The following MACROD1 variants were observed in gnomAD, a reference collection of about 807,000 sequenced individuals.
MACROD1 encodes the protein mono-ADP ribosylhydrolase 1, also known as ADP-ribose glycohydrolase MACROD1.
A neutral mutation model predicts 41.4 loss-of-function variants in MACROD1; 31 were observed. The observed-to-expected ratio is 0.75, with a 90% CI of 0.56 to 1.01. The LOEUF (loss-of-function observed/expected upper bound fraction) is 1.01, where lower values mean the gene tolerates loss of function less well. Among genes scored for constraint, MACROD1 ranks in the 50% least tolerant of loss-of-function variants. The pLI is 0.00. For missense variants in MACROD1, 473 were observed against 460.0 expected (o/e 1.03, Z -0.26); for synonymous variants, 252 against 203.4 (o/e 1.24, Z -2.03).
intron 3 of MACROD1, 63 bp downstream of exon 3, chr11:64,151,176 C>CAGCAG: frequency 3.5e-6 from 5 of 1,424,594 alleles, no homozygotes; most frequent in Non-Finnish European, 4.9e-6. Context: ...AGGCCTGGCA[C>CAGCAG]AGCAGAGCAG....
rs1379427896 is a variant in MACROD1 at position 64,096,323 on chromosome 11, T to G, written c.517+54916A>C. On this transcript the variant is annotated intron_variant, in intron 3 of 10. Transcript: ENST00000255681. This position sits in a 1 kb window ranked among gnomAD's most constrained non-coding sequence, Gnocchi z 4.6. Reference sequence around the variant, plus strand: ...GCCAGGTTCATCACCCCGAGCTTCCTCTAGGCTGGACACGGTCCCTAATGG... The same window carrying G: ...GCCAGGTTCATCACCCCGAGCTTCCGCTAGGCTGGACACGGTCCCTAATGG... 6.6e-6 allele frequency among the ~76,000 whole-genome samples: 1 copy of G among 152,046 alleles called. No individual in the cohort carries two copies. The highest frequency in any genetic ancestry group is 6.5e-5 in the Admixed American group (1 of 15,276).
intron 4 of MACROD1, among the ~76,000 whole-genome samples, chr11:64,011,872 C>T (rs1565194044): frequency 1.3e-5 from 2 of 151,890 alleles, no homozygotes; most frequent in Admixed American, 6.6e-5. Context: ...GGCAGGTAGG[C>T]GATTAGGACT....
At chr11:64,068,072 C>A (rs138435333) in intron 3 of MACROD1, among the ~76,000 whole-genome samples, 1 of 152,354 alleles carries the variant, frequency 6.6e-6, no homozygotes, top group East Asian at 1.9e-4. Flanking sequence ...TAAAATGATT[C>A]TCAAACCGGA....
intron 3 of MACROD1, among the ~76,000 whole-genome samples, chr11:64,102,147 A>G (rs969549437): frequency 6.6e-6 from 1 of 152,234 alleles, no homozygotes. Context: ...TCTGATTTCA[A>G]ACCAGAGTGA....
intron 3 of MACROD1, among the ~76,000 whole-genome samples, chr11:64,027,932 A>G (rs1943242642): frequency 6.6e-6 from 1 of 152,200 alleles, no homozygotes; most frequent in Admixed American, 6.5e-5. Flanking sequence ...AAGGCCAAAA[A>G]CGTTCCCTTC....
At chr11:64,023,893 G>A (rs1046282265) in intron 3 of MACROD1, among the ~76,000 whole-genome samples, 4 of 152,170 alleles carry the variant, frequency 2.6e-5, no homozygotes, top group East Asian at 3.8e-4. Context: ...GCGTGGCTGC[G>A]GTTCCAGCTG....
At chr11:64,132,774 G>T (rs1051196568) in intron 3 of MACROD1, among the ~76,000 whole-genome samples, 1 of 152,226 alleles carries the variant, frequency 6.6e-6, no homozygotes, top group African/African-American at 2.4e-5. Context: ...GCGCCCATCT[G>T]CGAGAGGCAA....
At chr11:64,085,343 C>T (rs1944374660) in intron 3 of MACROD1, among the ~76,000 whole-genome samples, 1 of 152,186 alleles carries the variant, frequency 6.6e-6, no homozygotes, top group Admixed American at 6.5e-5. Flanking sequence ...GCCCGCTGCT[C>T]CCACCCCAAA....
intron 3 of MACROD1, chr11:64,138,623 C>T (rs1352993777): frequency 1.7e-5 from 15 of 864,924 alleles, no homozygotes; most frequent in Non-Finnish European, 2.1e-5. Context: ...GGGCCTCTCT[C>T]CCCAACTGCG....
At chr11:64,053,316 CAATT>C (rs1422228857) in intron 3 of MACROD1, among the ~76,000 whole-genome samples, 4 of 152,278 alleles carry the variant, frequency 2.6e-5, no homozygotes, top group Non-Finnish European at 5.9e-5. Context: ...TTAATTAAGC[CAATT>C]AATTAGTGCC....
At chr11:64,049,930 G>A (rs1025935524) in intron 3 of MACROD1, among the ~76,000 whole-genome samples, 2 of 152,190 alleles carry the variant, frequency 1.3e-5, no homozygotes, top group African/African-American at 4.8e-5. Flanking sequence ...CGGGGGGGAG[G>A]CCAAACCTCT....
chr11:64,042,601 T>A (rs1410619689), intron 3 of MACROD1, among the ~76,000 whole-genome samples: 1 of 152,088 alleles, frequency 6.6e-6, no homozygotes, highest in Non-Finnish European at 1.5e-5. Context: ...TGGCCAGGCC[T>A]GTGGGGGTCT....
At chr11:64,059,720 A>T (rs1419252534) in intron 3 of MACROD1, among the ~76,000 whole-genome samples, 9 of 151,870 alleles carry the variant, frequency 5.9e-5, no homozygotes, top group Admixed American at 6.5e-5. Context: ...TCACTCAGCT[A>T]CTCCCAGCTG....
chr11:64,165,765 G>T lies in MACROD1; in HGVS notation c.230C>A (p.Thr77Asn), dbSNP rs768215471. ...CGCCGCCATGGCCAGGGGGGCCCAA[G>T]TGCGCACCCCGGCTGTCCGCCCCAC... is the stretch of plus-strand genomic sequence containing the variant. Reference protein sequence around the residue: ...AAVGRTAGVRTWAPLAMAAKV... With the variant: ...AAVGRTAGVRNWAPLAMAAKV... Residue 77 changes from threonine (T) to asparagine (N), a missense_variant, in exon 1 of 11, where the codon ACT becomes AAT. Thr to Asn is a moderately conservative substitution (Grantham distance 65). Transcript: ENST00000255681. 5.3e-6 allele frequency: 8 copies of T among 1,500,286 alleles called. No individual in the cohort carries two copies. In the East Asian group the frequency reaches 1.9e-4, roughly 36 times the overall value. The allele number at this position is 1,500,286 out of a possible 1,614,324, so 92.9% of individuals were successfully genotyped here.
chr11:64,100,115 A>G (rs1293666230), intron 3 of MACROD1, among the ~76,000 whole-genome samples: 1 of 152,126 alleles, frequency 6.6e-6, no homozygotes, highest in African/African-American at 2.4e-5. Context: ...AGTCCACACA[A>G]TGAAAGTGGT....
At chr11:64,066,056 G>A (rs954084455) in intron 3 of MACROD1, among the ~76,000 whole-genome samples, 6 of 152,208 alleles carry the variant, frequency 3.9e-5, no homozygotes, top group African/African-American at 1.2e-4. Flanking sequence ...AACACTTTGT[G>A]GGGGCTGAGG....
At chr11:64,126,005 G>A (rs1256909604) in intron 3 of MACROD1, among the ~76,000 whole-genome samples, 1 of 152,214 alleles carries the variant, frequency 6.6e-6, no homozygotes. Context: ...GAGCCAGGCG[G>A]CTCCAGGCCT....
chr11:64,057,526 C>T (rs1238641366), intron 3 of MACROD1, among the ~76,000 whole-genome samples: 2 of 152,238 alleles, frequency 1.3e-5, no homozygotes, highest in Non-Finnish European at 2.9e-5. Flanking sequence ...CTCTCCAGGC[C>T]AAACAGCTGC....
Position 64,165,682 on chromosome 11 carries a change from C to G in MACROD1, c.298+15G>C, listed in dbSNP as rs375342383. On this transcript the variant is annotated intron_variant, in intron 1 of 10. Transcript: ENST00000255681. The stretch of plus-strand genomic sequence containing the variant: ...GGCCGCCCTCTCCCTCGCGCCCCCT[C>G]GTGCTTACACTTACATTTCGCCTCC... 2.7e-5 allele frequency: 38 copies of G among 1,408,546 alleles called. No homozygotes were observed. In the Middle Eastern group the frequency reaches 5.7e-4, roughly 21 times the overall value. The allele number at this position is 1,408,546 out of a possible 1,614,324, so 87.3% of individuals were successfully genotyped here.
Sources: allele counts gnomAD v4.1 joint callset (sites outside exome capture counted in the v4.1 genomes callset), GRCh38; gene constraint gnomAD v4.1.1; non-coding constraint Gnocchi (gnomAD v3.1); transcripts MANE v1.5; gene names NCBI Gene and HGNC (gene_info 2026-07-23, HGNC 2026-07-21).